LRRFIP2: variants seen among roughly 807,000 people sequenced by gnomAD.
LRRFIP2 encodes the protein leucine-rich repeat flightless-interacting protein 2.
In LRRFIP2, 109 loss-of-function variants were observed where a neutral mutation model predicts 125.9. The observed-to-expected ratio is 0.87, with a 90% confidence interval of 0.74 to 1.01. The LOEUF (loss-of-function observed/expected upper bound fraction) is 1.01, where lower values mean the gene tolerates loss of function less well. Ranked by LOEUF, LRRFIP2 falls within the 50% of genes least tolerant of loss-of-function variation. LRRFIP2 has a pLI of 0.00. For missense variants in LRRFIP2, 850 were observed against 862.3 expected, an observed-to-expected ratio of 0.99 and a Z score of 0.18; for synonymous variants, 291 against 293.1, an observed-to-expected ratio of 0.99 and a Z score of 0.07.
At chr3:37,071,964 C>T (rs2091274030) in intron 21 of LRRFIP2, among the ~76,000 whole-genome samples, 1 of 152,156 alleles carries the variant, frequency 6.6e-6, no homozygotes, top group South Asian at 2.1e-4. Context: ...TTTATCTGGG[C>T]CCTTACTTGG....
At chr3:37,143,867 A>C (rs1181788767) in intron 2 of LRRFIP2, 1 of 155,916 alleles carries the variant, frequency 6.4e-6, no homozygotes, top group Non-Finnish European at 1.4e-5. Flanking sequence ...AAAGCAATGA[A>C]GCTTTTTAGA....
At chr3:37,097,367 T>A (rs559955911) in intron 15 of LRRFIP2, among the ~76,000 whole-genome samples, 19 of 152,182 alleles carry the variant, frequency 1.2e-4, no homozygotes, top group African/African-American at 4.1e-4. Flanking sequence ...TTACCAAGTC[T>A]CAGAGATTTG....
chr3:37,105,311 TA>T, intron 14 of LRRFIP2, 143 bp downstream of exon 14: 1 of 672,844 alleles, frequency 1.5e-6, no homozygotes, highest in Non-Finnish European at 2.6e-6. Flanking sequence ...ACATGTTTTA[TA>T]AGGCAAAATA....
At chr3:37,151,751 C>T (rs949161060) in intron 1 of LRRFIP2, among the ~76,000 whole-genome samples, 2 of 152,088 alleles carry the variant, frequency 1.3e-5, no homozygotes, top group African/African-American at 4.8e-5. Flanking sequence ...GCGTATGCCA[C>T]CATGCCCAGC....
At chr3:37,126,594 C>T (rs1414441035) in intron 4 of LRRFIP2, among the ~76,000 whole-genome samples, 4 of 151,514 alleles carry the variant, frequency 2.6e-5, no homozygotes, top group Admixed American at 2.0e-4. Context: ...CGCGGTGGCT[C>T]ACACCTGTAA....
At chr3:37,103,150 C>T in intron 14 of LRRFIP2, 137 bp from the exon 15 acceptor site, 1 of 591,002 alleles carries the variant, frequency 1.7e-6, no homozygotes. Context: ...AATGAGGAAA[C>T]TGCTGCAATT....
intron 21 of LRRFIP2, among the ~76,000 whole-genome samples, chr3:37,069,121 C>T (rs1331123031): frequency 6.6e-6 from 1 of 152,070 alleles, no homozygotes; most frequent in Non-Finnish European, 1.5e-5. Flanking sequence ...GAAATTGGAA[C>T]CCTTGTTCAC....
At chr3:37,127,356 GAACA>G (rs2095309954) in intron 4 of LRRFIP2, among the ~76,000 whole-genome samples, 1 of 151,886 alleles carries the variant, frequency 6.6e-6, no homozygotes, top group Non-Finnish European at 1.5e-5. Flanking sequence ...GGGAAGAAAA[GAACA>G]AACCCATAAA....
intron 2 of LRRFIP2, among the ~76,000 whole-genome samples, chr3:37,132,409 A>G (rs906966188): frequency 3.1e-4 from 47 of 152,166 alleles, no homozygotes; most frequent in Non-Finnish European, 7.3e-5. Context: ...ATAAAACCCA[A>G]CTTAGAGATA....
At position 37,110,991 on chromosome 3, in the gene LRRFIP2, C is replaced by T; in HGVS notation, c.513G>A (p.Arg171=). ...HSKPTSAYYT[R]QSSSLYSDPL... is the part of the protein sequence containing the mutation. The stretch of plus-strand genomic sequence containing the variant: ...TAAAGCCAAAAAAGTTTAGACAAAC[C>T]CGAGTGTAGTAGGCAGAGGTGGGTT... The change falls in exon 9 of 28, where the codon CGG becomes CGA. Residue 171 remains arginine, a splice_region_variant and synonymous_variant. Coordinates refer to ENST00000336686, the MANE Select transcript of LRRFIP2 (RefSeq NM_006309.4). The T allele has an allele frequency of 6.2e-7, 1 of 1,613,002 alleles. No individual in the cohort carries two copies. Among genetic ancestry groups the T allele is most frequent in the East Asian group, 2.2e-5 (1 of 44,752 alleles).
In LRRFIP2 at chr3:37,096,622, A is replaced by G; in HGVS notation, c.912T>C (p.Tyr304=). The G allele has an allele frequency of 2.6e-6, 4 of 1,562,758 alleles. No homozygotes were observed. The highest frequency in any genetic ancestry group is 3.5e-6 in the Non-Finnish European group (4 of 1,140,608). The part of the protein sequence containing the change: ...EKSDKQYAEN[Y]TRPSSRNSAS... Reference sequence around the variant, plus strand: ...TAGGAATTTACATACTCACTCTTGTATAATTTTCAGCATACTGTTTGTCAG... The same window carrying G: ...TAGGAATTTACATACTCACTCTTGTGTAATTTTCAGCATACTGTTTGTCAG... Residue 304 remains tyrosine (Y), a synonymous_variant, in exon 16 of 28, where the codon TAT becomes TAC. Coordinates refer to ENST00000336686, the MANE Select transcript of LRRFIP2 (RefSeq NM_006309.4).
intron 15 of LRRFIP2, among the ~76,000 whole-genome samples, chr3:37,101,331 T>C (rs1049488221): frequency 6.7e-6 from 1 of 148,398 alleles, no homozygotes; most frequent in African/African-American, 2.5e-5. Flanking sequence ...CATGCCAGCC[T>C]AGGTGACAGA....
chr3:37,118,154 C>T (rs1463191726), intron 6 of LRRFIP2, among the ~76,000 whole-genome samples: 4 of 152,058 alleles, frequency 2.6e-5, no homozygotes, highest in Non-Finnish European at 5.9e-5. Flanking sequence ...CTCGACTTCC[C>T]GGACAGCTCC....
intron 1 of LRRFIP2, among the ~76,000 whole-genome samples, chr3:37,153,845 G>A (rs1384737384): frequency 6.6e-6 from 1 of 152,022 alleles, no homozygotes; most frequent in Non-Finnish European, 1.5e-5. Flanking sequence ...TGATTGGCCA[G>A]GTCCAGTTAC....
intron 19 of LRRFIP2, among the ~76,000 whole-genome samples, chr3:37,078,424 C>T (rs1017825473): frequency 3.9e-5 from 6 of 152,058 alleles, no homozygotes; most frequent in Non-Finnish European, 7.4e-5. Flanking sequence ...TAGGCAACTT[C>T]GGATAAAGCA....
intron 3 of LRRFIP2, among the ~76,000 whole-genome samples, chr3:37,128,136 C>G (rs1315136510): frequency 2.0e-5 from 3 of 152,266 alleles, no homozygotes; most frequent in Non-Finnish European, 2.9e-5. Context: ...ATATTTGAAA[C>G]TATACATGAG....
At chr3:37,080,174 T>C (rs1252771631) in intron 19 of LRRFIP2, among the ~76,000 whole-genome samples, 1 of 151,928 alleles carries the variant, frequency 6.6e-6, no homozygotes, top group Non-Finnish European at 1.5e-5. Context: ...CCGAGGTGGG[T>C]GGATCACCTG....
At chr3:37,096,504 G>C (rs2093726171) in intron 16 of LRRFIP2, 112 bp downstream of exon 16, 12 of 683,146 alleles carry the variant, frequency 1.8e-5, no homozygotes, top group Non-Finnish European at 2.8e-5. Context: ...AATAGATGAA[G>C]GGAGGAAGAG....
Position 37,053,677 on chromosome 3 carries a change from T to G in LRRFIP2, c.*174A>C, listed in dbSNP as rs1408356810. On this transcript the variant is annotated 3_prime_UTR_variant, in exon 28 of 28. Coordinates refer to ENST00000336686, the MANE Select transcript of LRRFIP2 (RefSeq NM_006309.4). ...CAAACTACAACAAAATCCAAAGTGT[T>G]CATTCATGTAGATTCAAAATGACTT... is the stretch of plus-strand genomic sequence containing the variant. The G allele has an allele frequency of 3.4e-6, 2 of 587,356 alleles. No homozygotes were observed. The highest frequency in any genetic ancestry group is 6.1e-6 in the Non-Finnish European group (2 of 326,094). 36.4% of individuals were successfully genotyped at this position (587,356 alleles called of 1,614,324 possible). A position where few individuals can be genotyped will look rare whatever the true frequency, so the allele number is the denominator to read the frequency against.
Sources: allele counts gnomAD v4.1 joint callset (sites outside exome capture counted in the v4.1 genomes callset), GRCh38; gene constraint gnomAD v4.1.1; transcripts MANE v1.5; gene names NCBI Gene and HGNC (gene_info 2026-07-23, HGNC 2026-07-21).